Variants in TASP1 observed in about 807,000 individuals in gnomAD.
TASP1 encodes taspase 1, also known as threonine aspartase 1.
A neutral mutation model predicts 56.6 loss-of-function variants in TASP1; 16 were observed. The ratio of observed to expected loss-of-function variants is 0.28; its 90% CI spans 0.19 to 0.43. The LOEUF (loss-of-function observed/expected upper bound fraction) is 0.43. Ranked by LOEUF, TASP1 falls within the 20% of genes least tolerant of loss-of-function variation. The pLI, the probability that TASP1 is intolerant of heterozygous loss-of-function variation, is 1.00. For missense variants in TASP1, 393 were observed against 511.6 expected (o/e 0.77, Z 2.24); for synonymous variants, 179 against 184.2 (o/e 0.97, Z 0.23).
chr20:13,149,449 G>T, the TASP1 span, among the ~76,000 whole-genome samples: 103,618 of 152,168 alleles, frequency 0.68, 35,348 homozygotes, highest in South Asian at 0.71. Flanking sequence ...GCGTTTTATA[G>T]GTACAAATTC....
At chr20:13,331,661 G>T in the TASP1 span, among the ~76,000 whole-genome samples, 4 of 142,980 alleles carry the variant, frequency 2.8e-5, no homozygotes, top group East Asian at 2.0e-4. Context: ...TGTTTTGGGG[G>T]TTTTTTTGTG....
At chr20:13,264,233 G>A in the TASP1 span, among the ~76,000 whole-genome samples, 1 of 152,156 alleles carries the variant, frequency 6.6e-6, no homozygotes, top group Non-Finnish European at 1.5e-5. Context: ...CTGCCTGATT[G>A]TGTTAATCTG....
chr20:13,233,030 A>G, the TASP1 span, among the ~76,000 whole-genome samples: 2 of 152,058 alleles, frequency 1.3e-5, no homozygotes, highest in Non-Finnish European at 2.9e-5. Flanking sequence ...GGACCAAAAA[A>G]AAAAAAGAAA....
chr20:13,271,778 C>T, the TASP1 span, among the ~76,000 whole-genome samples: 1 of 152,094 alleles, frequency 6.6e-6, no homozygotes, highest in East Asian at 1.9e-4. Flanking sequence ...CATATGCCTG[C>T]TTCCATATTT....
At chr20:13,124,366 G>C in the TASP1 span, among the ~76,000 whole-genome samples, 5 of 151,944 alleles carry the variant, frequency 3.3e-5, no homozygotes, top group African/African-American at 1.2e-4. Flanking sequence ...AGGGAAGAAG[G>C]GAGGGAGGAA....
chr20:13,345,916 T>TAAAAAAAAAAAAA, the TASP1 span, among the ~76,000 whole-genome samples: 2 of 101,332 alleles, frequency 2.0e-5, no homozygotes, highest in Non-Finnish European at 4.2e-5. Flanking sequence ...CTCAGTAGGT[T>TAAAAAAAAAAAAA]AAAAAAAAAA....
intron 4 of TASP1, among the ~76,000 whole-genome samples, chr20:13,616,617 T>C (rs1367352903): frequency 6.6e-6 from 1 of 151,848 alleles, no homozygotes; most frequent in African/African-American, 2.4e-5. Flanking sequence ...AATGTAATCA[T>C]TGATTCCGTT....
At chr20:13,233,279 G>T in the TASP1 span, among the ~76,000 whole-genome samples, 1 of 152,070 alleles carries the variant, frequency 6.6e-6, no homozygotes, top group Non-Finnish European at 1.5e-5. Context: ...TCAAATTTCA[G>T]GGAGTAGGAA....
intron 10 of TASP1, among the ~76,000 whole-genome samples, chr20:13,497,555 A>G (rs894246876): frequency 1.3e-5 from 2 of 152,210 alleles, no homozygotes; most frequent in Non-Finnish European, 2.9e-5. Context: ...ATAAATAGAT[A>G]AAGAGATATC....
intron 5 of TASP1, among the ~76,000 whole-genome samples, chr20:13,585,721 C>A (rs2047278727): frequency 6.6e-6 from 1 of 152,066 alleles, no homozygotes; most frequent in Non-Finnish European, 1.5e-5. Context: ...CAAAAATTGG[C>A]AAGGATGCAG....
chr20:13,630,674 G>C (rs1178361581), intron 1 of TASP1, among the ~76,000 whole-genome samples: 1 of 80,778 alleles, frequency 1.2e-5, no homozygotes, highest in Non-Finnish European at 2.2e-5. Context: ...GGGCAACAAA[G>C]TAAGCTCTGT....
the TASP1 span, among the ~76,000 whole-genome samples, chr20:13,334,983 A>T: frequency 6.6e-6 from 1 of 152,250 alleles, no homozygotes; most frequent in East Asian, 1.9e-4. Context: ...AAGCAAGAAC[A>T]GAGCAGCTTC....
intron 10 of TASP1, among the ~76,000 whole-genome samples, chr20:13,483,755 C>T (rs2043223642): frequency 6.6e-6 from 1 of 152,106 alleles, no homozygotes; most frequent in African/African-American, 2.4e-5. Flanking sequence ...TGGGCAAGGA[C>T]TTCATGTCTA....
At chr20:13,377,620 A>G in the TASP1 span, among the ~76,000 whole-genome samples, 1 of 151,872 alleles carries the variant, frequency 6.6e-6, no homozygotes, top group Admixed American at 6.6e-5. Context: ...CTCTTTTTCT[A>G]TTGTTTGGAA....
At chr20:13,330,097 C>T in the TASP1 span, among the ~76,000 whole-genome samples, 1 of 151,988 alleles carries the variant, frequency 6.6e-6, no homozygotes, top group Non-Finnish European at 1.5e-5. Context: ...GCTGGGATTA[C>T]AGGTGCCTGC....
the TASP1 span, among the ~76,000 whole-genome samples, chr20:13,275,611 AT>A: frequency 3.9e-5 from 6 of 152,302 alleles, no homozygotes; most frequent in South Asian, 6.2e-4. Flanking sequence ...TGTCTATAAA[AT>A]TGGAATGACA....
chr20:13,240,991 G>C, the TASP1 span, among the ~76,000 whole-genome samples: 1 of 152,210 alleles, frequency 6.6e-6, no homozygotes, highest in Non-Finnish European at 1.5e-5. Context: ...GGAGCTGAGA[G>C]TGAGGTGTCA....
chr20:13,391,336 T>C lies in TASP1; in HGVS notation c.1171-884A>G, dbSNP rs540141566. 3.3e-5 allele frequency among the ~76,000 whole-genome samples: 5 copies of C among 152,296 alleles called. No individual in the cohort carries two copies. In the East Asian group the frequency reaches 9.7e-4, roughly 29 times the overall value. ...GTAGAAGACAGTAAGCACTTCACTC[T>C]GTTTCATGAGGGGTCAGGATGAGGT... On this transcript the variant is annotated intron_variant, in intron 13 of 13. Transcript: ENST00000337743.
the TASP1 span, among the ~76,000 whole-genome samples, chr20:13,209,654 A>T: frequency 6.6e-6 from 1 of 152,194 alleles, no homozygotes; most frequent in Non-Finnish European, 1.5e-5. Flanking sequence ...CTCCTTCGAC[A>T]AATCTAAATA....
Sources: allele counts gnomAD v4.1 joint callset (sites outside exome capture counted in the v4.1 genomes callset), GRCh38; gene constraint gnomAD v4.1.1; transcripts MANE v1.5; gene names NCBI Gene and HGNC (gene_info 2026-07-23, HGNC 2026-07-21).